The following LRRIQ1 variants were observed in gnomAD, a reference collection of about 807,000 sequenced individuals.
LRRIQ1 encodes leucine-rich repeat- and IQ domain-containing protein 1.
Under a neutral mutation model 211.9 loss-of-function variants are expected in LRRIQ1, and 210 were observed. The observed-to-expected ratio is 0.99, with a 90% confidence interval of 0.89 to 1.11. LRRIQ1 has a LOEUF of 1.11. Among genes scored for constraint, LRRIQ1 ranks in the 50% most tolerant of loss-of-function variants. The pLI is 0.00. For missense variants in LRRIQ1, 2,136 were observed against 1,939.5 expected, an observed-to-expected ratio of 1.10 and a Z score of -1.90; for synonymous variants, 699 against 650.1, an observed-to-expected ratio of 1.08 and a Z score of -1.14.
At chr12:85,217,506 A>G (rs868838501) in intron 24 of LRRIQ1, among the ~76,000 whole-genome samples, 46 of 69,840 alleles carry the variant, frequency 6.6e-4, no homozygotes, top group East Asian at 1.1e-3. Flanking sequence ...ATATATATAT[A>G]TATGTGTGTG....
chr12:85,113,362 G>T (rs1887322380), intron 15 of LRRIQ1, among the ~76,000 whole-genome samples: 1 of 151,954 alleles, frequency 6.6e-6, no homozygotes, highest in Admixed American at 6.6e-5. Context: ...TCAGGTTTGT[G>T]TTGTAGCATT....
intron 24 of LRRIQ1, among the ~76,000 whole-genome samples, chr12:85,166,055 A>G (rs2136770892): frequency 6.6e-6 from 1 of 152,254 alleles, no homozygotes; most frequent in East Asian, 1.9e-4. Flanking sequence ...GATATATGAG[A>G]ACCTCCCCAC....
At chr12:85,107,661 C>A (rs547043619) in intron 15 of LRRIQ1, among the ~76,000 whole-genome samples, 1 of 152,044 alleles carries the variant, frequency 6.6e-6, no homozygotes, top group East Asian at 1.9e-4. Flanking sequence ...CCAGTTTCAA[C>A]AATATCAGAC....
At chr12:85,190,943 G>T (rs912233780) in intron 24 of LRRIQ1, among the ~76,000 whole-genome samples, 3 of 151,924 alleles carry the variant, frequency 2.0e-5, no homozygotes, top group Non-Finnish European at 4.4e-5. Flanking sequence ...TGTTAAACAG[G>T]TTTCTGTTTC....
At chr12:85,065,148 A>G (rs1262592119) in intron 8 of LRRIQ1, 114 bp from the exon 9 acceptor site, 2 of 841,880 alleles carry the variant, frequency 2.4e-6, no homozygotes, top group Non-Finnish European at 3.4e-6. Flanking sequence ...AGGCTTCAAC[A>G]TATAGTATTA....
chr12:85,051,181 C>CAA, intron 6 of LRRIQ1, among the ~76,000 whole-genome samples: 1 of 152,148 alleles, frequency 6.6e-6, no homozygotes, highest in East Asian at 1.9e-4. Context: ...TCCTCTCTCT[C>CAA]TCTCTCTCTC....
intron 24 of LRRIQ1, among the ~76,000 whole-genome samples, chr12:85,213,831 G>A (rs1434746684): frequency 6.6e-6 from 1 of 152,008 alleles, no homozygotes; most frequent in Non-Finnish European, 1.5e-5. Flanking sequence ...GTAATAAAAT[G>A]TATCAATAAG....
chr12:85,104,953 A>T (rs187518925), intron 14 of LRRIQ1, among the ~76,000 whole-genome samples: 11 of 152,170 alleles, frequency 7.2e-5, no homozygotes, highest in Admixed American at 2.0e-4. Flanking sequence ...ATAATTTACT[A>T]TGTTATCTCA....
At chr12:85,267,188 A>G (rs951127911), downstream of LRRIQ1, among the ~76,000 whole-genome samples, 2 of 152,124 alleles carry the variant, frequency 1.3e-5, no homozygotes, top group Middle Eastern at 3.2e-3. Context: ...CTAGATCAGC[A>G]TTGTCCAATG....
the LRRIQ1 span, among the ~76,000 whole-genome samples, chr12:85,270,923 A>G: frequency 6.6e-6 from 1 of 152,184 alleles, no homozygotes; most frequent in Non-Finnish European, 1.5e-5. Flanking sequence ...GATGAAATAG[A>G]TATGCATAAA....
intron 15 of LRRIQ1, among the ~76,000 whole-genome samples, chr12:85,106,895 G>A (rs1398412191): frequency 6.6e-6 from 1 of 152,040 alleles, no homozygotes; most frequent in Non-Finnish European, 1.5e-5. Flanking sequence ...CTTGGGTTTT[G>A]CATTTATAGA....
At chr12:85,170,884 A>G (rs985079328) in intron 24 of LRRIQ1, among the ~76,000 whole-genome samples, 1 of 152,096 alleles carries the variant, frequency 6.6e-6, no homozygotes, top group African/African-American at 2.4e-5. Context: ...TCAACTGGAA[A>G]TAGATTTTTC....
chr12:85,244,444 A>G (rs1207491814), intron 26 of LRRIQ1, among the ~76,000 whole-genome samples: 1 of 151,646 alleles, frequency 6.6e-6, no homozygotes, highest in Non-Finnish European at 1.5e-5. Flanking sequence ...CTAACATTCA[A>G]TTAAAAATTA....
intron 26 of LRRIQ1, among the ~76,000 whole-genome samples, chr12:85,239,241 A>G (rs952478710): frequency 6.6e-6 from 1 of 151,962 alleles, no homozygotes; most frequent in African/African-American, 2.4e-5. Flanking sequence ...TAAACTGTGT[A>G]TGGAAATGGA....
chr12:85,260,486 A>T (rs1056278898), intron 1 of LRRIQ1, among the ~76,000 whole-genome samples: 1 of 152,162 alleles, frequency 6.6e-6, no homozygotes, highest in African/African-American at 2.4e-5. Context: ...AGCTTACTGT[A>T]GTGGAACAAA....
At chr12:85,270,442 C>A in the LRRIQ1 span, among the ~76,000 whole-genome samples, 1 of 152,118 alleles carries the variant, frequency 6.6e-6, no homozygotes, top group Admixed American at 6.5e-5. Context: ...TACCTTAATG[C>A]AGTACACACA....
intron 1 of LRRIQ1, among the ~76,000 whole-genome samples, chr12:85,250,910 A>T (rs184805367): frequency 0.075 from 5,881 of 78,080 alleles, 1,389 homozygotes; most frequent in African/African-American, 0.46. Flanking sequence ...TATTATATAT[A>T]ATATATTTTA....
In LRRIQ1 at chr12:85,124,459, AAGT is replaced by A; in HGVS notation, c.3952_3954del (p.Val1318del). The A allele has an allele frequency of 6.2e-7, 1 of 1,613,844 alleles. No individual in the cohort carries two copies. The highest frequency in any genetic ancestry group is 8.5e-7 in the Non-Finnish European group (1 of 1,180,024). Reference sequence around the variant, plus strand: ...CCCACCATAAGAATCCCATTTAAGGAAGTAGTAATGACAAATTCTTTGCTGAGG... The same window carrying A: ...CCCACCATAAGAATCCCATTTAAGGAAGTAATGACAAATTCTTTGCTGAGG... On this transcript the variant is annotated inframe_deletion, in exon 17 of 27. Transcript: ENST00000393217.
intron 1 of LRRIQ1, among the ~76,000 whole-genome samples, chr12:85,251,594 G>A (rs1437374873): frequency 2.0e-5 from 3 of 151,820 alleles, no homozygotes; most frequent in Non-Finnish European, 4.4e-5. Flanking sequence ...GCCGGTAAAG[G>A]CAGCCTGGCA....
Sources: gnomAD v4.1 joint callset for allele counts (sites outside exome capture counted in the v4.1 genomes callset) on GRCh38, gnomAD v4.1.1 for gene constraint, MANE v1.5 for transcripts, NCBI Gene and HGNC (gene_info 2026-07-23, HGNC 2026-07-21) for gene names.